SEMA4F: variants seen among roughly 807,000 people sequenced by gnomAD.
SEMA4F encodes semaphorin-4F.
SEMA4F carries 51 observed loss-of-function variants against 78.4 expected under a neutral mutation model. The ratio of observed to expected loss-of-function variants is 0.65; its 90% CI spans 0.52 to 0.82. The LOEUF (loss-of-function observed/expected upper bound fraction) is 0.82, where lower values mean the gene tolerates loss of function less well. Among genes scored for constraint, SEMA4F ranks in the 40% least tolerant of loss-of-function variants. The probability of loss-of-function intolerance (pLI) is 0.00; values close to 1 mark genes in which losing one functional copy is unlikely to be tolerated. For synonymous variants in SEMA4F, 418 were observed against 408.7 expected, an observed-to-expected ratio of 1.02 and a Z score of -0.27; for missense variants, 938 against 1,014.4, an observed-to-expected ratio of 0.92 and a Z score of 1.02.
chr2:74,655,405 C>A, intron 1 of SEMA4F: 1 of 244,798 alleles, frequency 4.1e-6, no homozygotes, highest in South Asian at 4.8e-5. Context: ...TGAGCATGGC[C>A]GTGGACCTTG....
chr2:74,706,174 A>G, the SEMA4F span, among the ~76,000 whole-genome samples: 1 of 152,124 alleles, frequency 6.6e-6, no homozygotes, highest in African/African-American at 2.4e-5. Flanking sequence ...AATTCATTTA[A>G]TTTTTACCAT....
chr2:74,656,694 CAA>C lies in SEMA4F; in HGVS notation c.297+10_297+11del, dbSNP rs760741116. 18 of 1,613,842 alleles carry C rather than the reference CAA, an allele frequency of 1.1e-5. No individual in the cohort carries two copies. The highest frequency in any genetic ancestry group is 1.7e-4 in the Middle Eastern group (1 of 6,050). The stretch of plus-strand genomic sequence containing the variant: ...GGGAGAGACCCCGCAGGGTGAGAGA[CAA>C]GAGAGGGAAGGACCCCTGACCCTGT... On this transcript the variant is annotated intron_variant, in intron 2 of 13. Coordinates refer to ENST00000357877, the MANE Select transcript of SEMA4F (RefSeq NM_004263.5).
chr2:74,671,299 A>G (rs1277122216), intron 5 of SEMA4F, among the ~76,000 whole-genome samples: 1 of 152,122 alleles, frequency 6.6e-6, no homozygotes, highest in Admixed American at 6.5e-5. Context: ...TTCTCTGCAT[A>G]GAGTGTTTCT....
chr2:74,695,785 T>C, the SEMA4F span, among the ~76,000 whole-genome samples: 5,226 of 152,294 alleles, frequency 0.034, 269 homozygotes, highest in African/African-American at 0.11. Flanking sequence ...TAACCAGATA[T>C]GAATTGTGAG....
At chr2:74,660,947 A>G (rs1684397075) in intron 4 of SEMA4F, among the ~76,000 whole-genome samples, 1 of 152,238 alleles carries the variant, frequency 6.6e-6, no homozygotes, top group Non-Finnish European at 1.5e-5. Flanking sequence ...TCTTTGAAGC[A>G]TATGTGAAAG....
chr2:74,699,887 G>A, the SEMA4F span, among the ~76,000 whole-genome samples: 3 of 152,278 alleles, frequency 2.0e-5, no homozygotes, highest in South Asian at 6.2e-4. Flanking sequence ...GAGAATGGGA[G>A]GGCAGAAGTG....
intron 7 of SEMA4F, among the ~76,000 whole-genome samples, 156 bp downstream of exon 7, chr2:74,673,984 G>A (rs1442598997): frequency 2.0e-5 from 3 of 152,182 alleles, no homozygotes; most frequent in Non-Finnish European, 2.9e-5. Flanking sequence ...ATGTGAGAGA[G>A]AGGCTCTGGC....
chr2:74,662,888 G>T, intron 5 of SEMA4F, 63 bp downstream of exon 5: 2 of 1,363,998 alleles, frequency 1.5e-6, no homozygotes, highest in Non-Finnish European at 2.1e-6. Context: ...CACCCTTGCT[G>T]TTAGAATTTC....
At chr2:74,667,780 T>C (rs969529071) in intron 5 of SEMA4F, among the ~76,000 whole-genome samples, 9 of 152,226 alleles carry the variant, frequency 5.9e-5, no homozygotes, top group African/African-American at 1.9e-4. Context: ...CATTCTTAAA[T>C]GTTGGAGTTC....
rs778524655 is a variant in SEMA4F, at chr2:74,673,839, A to T, written c.822+11A>T. 1.9e-6 allele frequency: 3 copies of T among 1,609,344 alleles called. No individual in the cohort carries two copies. The highest frequency in any genetic ancestry group is 8.5e-7 in the Non-Finnish European group (1 of 1,177,122). The stretch of plus-strand genomic sequence containing the variant: ...GCCCGTGTGTGTGCGGTGAGACCCC[A>T]TCCCAGCTGTCTGTCTGTCATCTCC... On this transcript the variant is annotated intron_variant, in intron 7 of 13. Transcript: ENST00000357877.
intron 5 of SEMA4F, among the ~76,000 whole-genome samples, chr2:74,668,433 A>G (rs1444192808): frequency 3.9e-5 from 6 of 152,190 alleles, no homozygotes; most frequent in African/African-American, 1.4e-4. Context: ...ATCTCCAATC[A>G]TCTAATTGTG....
rs905295983 is a variant in SEMA4F at position 74,669,319 on chromosome 2, C to T, written c.551-4138C>T. Reference sequence around the variant, plus strand: ...TTAAAAAGTAGGCTGGGCATGGTGGCTCACGCCTGTAATCCCAGTACTTTG... The same window carrying T: ...TTAAAAAGTAGGCTGGGCATGGTGGTTCACGCCTGTAATCCCAGTACTTTG... On this transcript the variant is annotated intron_variant, in intron 5 of 13. Coordinates refer to ENST00000357877, the MANE Select transcript of SEMA4F (RefSeq NM_004263.5). Among the ~76,000 whole-genome samples the T allele has an allele frequency of 2.0e-5, 3 of 151,764 alleles. No individual in the cohort carries two copies. The South Asian group carries it at 6.2e-4, about 31-fold the overall frequency.
downstream of SEMA4F, among the ~76,000 whole-genome samples, chr2:74,685,427 A>G (rs1685800487): frequency 6.6e-6 from 1 of 151,890 alleles, no homozygotes; most frequent in Non-Finnish European, 1.5e-5. Flanking sequence ...TGCTTGCTGG[A>G]AATGGACATA....
Position 74,680,482 on chromosome 2 carries a change from C to T in SEMA4F, c.*273C>T. ...ATCTGAACTCCTGTAAACCTTCATCCCTGGCCCCCTATCTTGGGCCCATTA... is the reference window on the plus strand; with the variant it reads ...ATCTGAACTCCTGTAAACCTTCATCTCTGGCCCCCTATCTTGGGCCCATTA... On this transcript the variant is annotated 3_prime_UTR_variant, in exon 14 of 14. Coordinates refer to ENST00000357877, the MANE Select transcript of SEMA4F (RefSeq NM_004263.5). The T allele has an allele frequency of 5.6e-6, 2 of 358,092 alleles. No homozygotes were observed. The highest frequency in any genetic ancestry group is 1.0e-5 in the Non-Finnish European group (2 of 199,142). 22.2% of individuals were successfully genotyped at this position (358,092 alleles called of 1,614,324 possible).
downstream of SEMA4F, among the ~76,000 whole-genome samples, chr2:74,688,314 A>G (rs981161615): frequency 6.6e-6 from 1 of 152,174 alleles, no homozygotes; most frequent in Non-Finnish European, 1.5e-5. Context: ...TGTTCATTTC[A>G]TATATATAAA....
At chr2:74,654,629 T>C in intron 1 of SEMA4F, 108 bp downstream of exon 1, 1 of 1,023,636 alleles carries the variant, frequency 9.8e-7, no homozygotes, top group Admixed American at 3.6e-5. Flanking sequence ...GCCTGGTGTA[T>C]GGCGTTTCAC....
At position 74,675,458 on chromosome 2, in the gene SEMA4F, A is replaced by C. The variant is rs550679977; in HGVS notation, c.1373-67A>C. 9.4e-5 allele frequency: 150 copies of C among 1,592,788 alleles called. No individual in the cohort carries two copies. In the African/African-American group the frequency reaches 1.8e-3, roughly 19 times the overall value. On this transcript the variant is annotated intron_variant, in intron 10 of 13. Transcript: ENST00000357877. ...CGTCACAGAGAGGGTACTGTAATAC[A>C]TATAGGTCTGAGTCCCAGGCACAGG...
the SEMA4F span, among the ~76,000 whole-genome samples, chr2:74,689,334 A>G: frequency 6.6e-6 from 1 of 152,218 alleles, no homozygotes; most frequent in Non-Finnish European, 1.5e-5. Context: ...AAAACAAGAA[A>G]AAAAGGTTGG....
chr2:74,704,328 A>G, the SEMA4F span, among the ~76,000 whole-genome samples: 1 of 148,462 alleles, frequency 6.7e-6, no homozygotes, highest in Non-Finnish European at 1.5e-5. Flanking sequence ...AACTTGAAAT[A>G]GTATCTAGTA....
Sources: allele counts gnomAD v4.1 joint callset (sites outside exome capture counted in the v4.1 genomes callset), GRCh38; gene constraint gnomAD v4.1.1; transcripts MANE v1.5; gene names NCBI Gene and HGNC (gene_info 2026-07-23, HGNC 2026-07-21).